GYS1: variants seen among roughly 807,000 people sequenced by gnomAD.
The protein encoded by GYS1 is glycogen [starch] synthase, muscle.
A neutral mutation model predicts 89.1 loss-of-function variants in GYS1; 60 were observed. The ratio of observed to expected loss-of-function variants is 0.67; its 90% CI spans 0.55 to 0.84. The LOEUF (loss-of-function observed/expected upper bound fraction) is 0.84, where lower values mean the gene tolerates loss of function less well. Ranked by LOEUF, GYS1 falls within the 40% of genes least tolerant of loss-of-function variation. The probability of loss-of-function intolerance (pLI) is 0.00; values close to 1 mark genes in which losing one functional copy is unlikely to be tolerated. For synonymous variants in GYS1, 366 were observed against 401.7 expected, an observed-to-expected ratio of 0.91 and a Z score of 1.06; for missense variants, 888 against 1,003.1, an observed-to-expected ratio of 0.89 and a Z score of 1.55.
chr19:48,982,876 A>T (rs750188033), intron 5 of GYS1, 39 bp from the exon 6 acceptor site: 5 of 1,279,020 alleles, frequency 3.9e-6, no homozygotes, highest in Non-Finnish European at 5.7e-6. Flanking sequence ...TTATTTGTTC[A>T]TTCAGATCAA....
chr19:48,978,665 G>A (rs966908430), intron 8 of GYS1, among the ~76,000 whole-genome samples: 3 of 151,616 alleles, frequency 2.0e-5, no homozygotes, highest in Admixed American at 6.6e-5. Context: ...CTGAGTAGCC[G>A]GGATTACAGG....
chr19:48,978,470 C>G (rs918104815), intron 8 of GYS1, among the ~76,000 whole-genome samples: 1 of 150,876 alleles, frequency 6.6e-6, no homozygotes, highest in Non-Finnish European at 1.5e-5. Context: ...GGTAATCTGC[C>G]CACCTCGGCC....
intron 14 of GYS1, chr19:48,970,232 C>CG (rs2038539308): frequency 2.1e-6 from 1 of 466,690 alleles, no homozygotes; most frequent in Admixed American, 3.6e-5. Flanking sequence ...TCAAGCGACC[C>CG]TACCACCTCA....
Position 48,974,660 on chromosome 19 carries a change from C to A in GYS1, c.1382G>T (p.Arg461Leu). The A allele has an allele frequency of 1.2e-6, 2 of 1,613,988 alleles. No homozygotes were observed. The highest frequency in any genetic ancestry group is 1.7e-6 in the Non-Finnish European group (2 of 1,179,912). Residue 461 changes from arginine (R) to leucine (L), a missense_variant, in exon 11 of 16, where the codon CGC (arginine) becomes CTC (leucine). By Grantham distance (102) the Arg-to-Leu change is moderately radical. Transcript: ENST00000323798. ...ACTGCTATTGAAGAGGCCGATTCGG[C>A]GGATGGTGGTCAGGATGGGGTCTGA... ...DSSDPILTTI[R>L]RIGLFNSSAD...
In GYS1 at chr19:48,974,069, G is replaced by A. The variant is rs544383794; in HGVS notation, c.1549+144C>T. On this transcript the variant is annotated intron_variant, in intron 12 of 15. Transcript: ENST00000323798. Reference sequence around the variant, plus strand: ...ATGAGCTATTGTATCACAAAAGCACGCGCTGTAGCAGAACAGGTGATTACC... The same window carrying A: ...ATGAGCTATTGTATCACAAAAGCACACGCTGTAGCAGAACAGGTGATTACC... 76 of 853,190 alleles carry A rather than the reference G, an allele frequency of 8.9e-5. 1 individual carries two copies. The highest frequency in any genetic ancestry group is 2.3e-4 in the South Asian group (15 of 66,318). The allele number at this position is 853,190 out of a possible 1,614,324, so 52.9% of individuals were successfully genotyped here.
chr19:48,982,709 G>A lies in GYS1; in HGVS notation c.941+11C>T. 3 of 1,532,884 alleles carry A rather than the reference G, an allele frequency of 2.0e-6. No individual in the cohort carries two copies. Among genetic ancestry groups the A allele is most frequent in the Non-Finnish European group, 2.7e-6 (3 of 1,106,282 alleles). The allele number at this position is 1,532,884 out of a possible 1,614,324, so 95.0% of individuals were successfully genotyped here. A position where few individuals can be genotyped will look rare whatever the true frequency, so the allele number is the denominator to read the frequency against. On this transcript the variant is annotated intron_variant, in intron 6 of 15. Coordinates refer to ENST00000323798, the MANE Select transcript of GYS1 (RefSeq NM_002103.5). ...CTCCTCTCTTAAGACCTAGGTATAT[G>A]CCCCACGTACCCATAAAAATGGCCC...
intron 6 of GYS1, 41 bp from the exon 7 acceptor site, chr19:48,982,416 C>T: frequency 6.2e-7 from 1 of 1,612,856 alleles, no homozygotes; most frequent in Non-Finnish European, 8.5e-7. Context: ...AAAGCCCTCA[C>T]CCGCTAGCCC....
rs113272360 is a variant in GYS1 at position 48,976,258 on chromosome 19, T to C, written c.1309-1525A>G. On this transcript the variant is annotated intron_variant, in intron 10 of 15. Coordinates refer to ENST00000323798, the MANE Select transcript of GYS1 (RefSeq NM_002103.5). ...GTTTTGTTTCTACAACTTAGCTGTC[T>C]GGGTTTCCATTCCCCAGGAAATGGC... Among the ~76,000 whole-genome samples the C allele has an allele frequency of 3.4e-3, 512 of 152,278 alleles. 4 individuals are homozygous for C. The highest frequency in any genetic ancestry group is 0.012 in the African/African-American group (491 of 41,550).
At chr19:48,980,834 G>T (rs1229442688) in intron 8 of GYS1, among the ~76,000 whole-genome samples, 2 of 151,990 alleles carry the variant, frequency 1.3e-5, no homozygotes, top group Non-Finnish European at 1.5e-5. Context: ...ACAAAAAAAG[G>T]CTAGGTGTGG....
In GYS1 at chr19:48,987,186, G is replaced by A. The variant is rs751502676; in HGVS notation, c.492+8C>T. On this transcript the variant is annotated splice_region_variant and intron_variant, in intron 3 of 15. Transcript: ENST00000323798. ...AGGTATGGGTGGAATGTGTCAGACG[G>A]GGCCTACCTCACCCAGGAACCAGGT... 1.2e-6 allele frequency: 2 copies of A among 1,600,530 alleles called. No homozygotes were observed. The highest frequency in any genetic ancestry group is 1.7e-6 in the Non-Finnish European group (2 of 1,168,390).
At chr19:48,986,077 G>C in intron 3 of GYS1, 42 bp from the exon 4 acceptor site, 1 of 1,593,090 alleles carries the variant, frequency 6.3e-7, no homozygotes, top group South Asian at 1.1e-5. Context: ...CACGAGTGTT[G>C]GGAAAAGAAT....
chr19:48,993,094 A>AAGTGCGGTTT lies in GYS1; in HGVS notation c.9_18dup (p.Leu7LysfsTer18). On this transcript the variant is annotated frameshift_variant, in exon 1 of 16. Transcript: ENST00000323798. LOFTEE classifies it high-confidence loss of function. ...AGTCCTGGCAGTGAGGACATGGACA[A>AAGTGCGGTTT]AGTGCGGTTTAAAGGCATGGCTGGC... 2 of 1,609,894 alleles carry AAGTGCGGTTT rather than the reference A, an allele frequency of 1.2e-6. No individual in the cohort carries two copies. Among genetic ancestry groups the AAGTGCGGTTT allele is most frequent in the Non-Finnish European group, 8.5e-7 (1 of 1,176,258 alleles).
Position 48,991,519 on chromosome 19 carries a change from G to T in GYS1, c.119-36C>A. The T allele has an allele frequency of 6.3e-7, 1 of 1,597,304 alleles. No individual in the cohort carries two copies. The highest frequency in any genetic ancestry group is 8.6e-7 in the Non-Finnish European group (1 of 1,167,958). The stretch of plus-strand genomic sequence containing the variant: ...AAGCGTGTGAGGGCAGGCCCCGGCC[G>T]AGGTCCATAGTTCTGGGGCCTGGGG... On this transcript the variant is annotated intron_variant, in intron 1 of 15. Coordinates refer to ENST00000323798, the MANE Select transcript of GYS1 (RefSeq NM_002103.5). This position sits in a 1 kb window ranked among gnomAD's most constrained non-coding sequence, Gnocchi z 4.7.
At chr19:48,981,697 G>A (rs1600143242) in intron 7 of GYS1, 61 bp from the exon 8 acceptor site, 2 of 1,083,754 alleles carry the variant, frequency 1.8e-6, no homozygotes, top group Admixed American at 1.8e-5. Flanking sequence ...GAACCAGCCA[G>A]CCTTTCTGTC....
Position 48,991,678 on chromosome 19 carries a change from T to C in GYS1, c.119-195A>G. On this transcript the variant is annotated intron_variant, in intron 1 of 15. Transcript: ENST00000323798. This position sits in a 1 kb window ranked among gnomAD's most constrained non-coding sequence, Gnocchi z 4.7. Reference sequence around the variant, plus strand: ...GGGGAACACGAGGGCTGGAGGGCAGTCCTCCTGGGTCTAAGGGAGAAGGGG... The same window carrying C: ...GGGGAACACGAGGGCTGGAGGGCAGCCCTCCTGGGTCTAAGGGAGAAGGGG... 4.8e-6 allele frequency: 3 copies of C among 619,250 alleles called. No homozygotes were observed. Among genetic ancestry groups the C allele is most frequent in the East Asian group, 2.8e-5 (1 of 36,340 alleles). The allele number at this position is 619,250 out of a possible 1,614,324, so 38.4% of individuals were successfully genotyped here.
chr19:48,972,619 C>T (rs62125989), intron 12 of GYS1, among the ~76,000 whole-genome samples: 36,686 of 151,748 alleles, frequency 0.24, 4,770 homozygotes, highest in Non-Finnish European at 0.3. Context: ...GCTGGGATTA[C>T]AGGTGCCTGC....
In GYS1 at chr19:48,975,799, T is replaced by TG. The variant is rs565122179; in HGVS notation, c.1309-1067dup. 3.6e-3 allele frequency among the ~76,000 whole-genome samples: 536 copies of TG among 148,478 alleles called. 5 individuals carry two copies. Among genetic ancestry groups the TG allele is most frequent in the African/African-American group, 0.013 (515 of 40,148 alleles). On this transcript the variant is annotated intron_variant, in intron 10 of 15. Transcript: ENST00000323798. ...AAAATTAGCCAGGCGTGGTGGTGGG[T>TG]GCCTCAGGAGGCTGGGGCAGGAGAA... is the stretch of plus-strand genomic sequence containing the variant.
chr19:48,985,671 T>A lies in GYS1; in HGVS notation c.679-66A>T, dbSNP rs1269439364. 3 of 1,586,990 alleles carry A rather than the reference T, an allele frequency of 1.9e-6. No individual in the cohort carries two copies. In the East Asian group the frequency reaches 6.7e-5, roughly 36 times the overall value. On this transcript the variant is annotated intron_variant, in intron 4 of 15. Transcript: ENST00000323798. ...GAGAAGACTCTGGAGGTCCAGACAC[T>A]GGGGTCCCAAGAGAAATTGGTGCTG...
At chr19:48,983,299 T>C in intron 5 of GYS1, among the ~76,000 whole-genome samples, 1 of 152,176 alleles carries the variant, frequency 6.6e-6, no homozygotes, top group Non-Finnish European at 1.5e-5. Context: ...CCAGTTCCCT[T>C]GGTGACACAC....
Sources: gnomAD v4.1 joint callset for allele counts (sites outside exome capture counted in the v4.1 genomes callset) on GRCh38, gnomAD v4.1.1 for gene constraint, Gnocchi (gnomAD v3.1) non-coding constraint, MANE v1.5 for transcripts, NCBI Gene and HGNC (gene_info 2026-07-23, HGNC 2026-07-21) for gene names.